The following SLC24A4 variants were observed in gnomAD, a reference collection of about 807,000 sequenced individuals.
SLC24A4 encodes the protein sodium/potassium/calcium exchanger 4.
A neutral mutation model predicts 79.0 loss-of-function variants in SLC24A4; 53 were observed. The ratio of observed to expected loss-of-function variants is 0.67; its 90% CI spans 0.54 to 0.84. The LOEUF (loss-of-function observed/expected upper bound fraction) is 0.84, where lower values mean the gene tolerates loss of function less well. Ranked by LOEUF, SLC24A4 falls within the 40% of genes least tolerant of loss-of-function variation. The pLI, the probability that SLC24A4 is intolerant of heterozygous loss-of-function variation, is 0.00. For missense variants in SLC24A4, 731 were observed against 822.0 expected (o/e 0.89, Z 1.35); for synonymous variants, 323 against 323.8 (o/e 1.00, Z 0.03).
In SLC24A4 at chr14:92,480,286, C is replaced by CTTTTTTTTTTTTTT. The variant is rs66533065; in HGVS notation, c.1256-2389_1256-2376dup. On this transcript the variant is annotated intron_variant, in intron 12 of 16. Coordinates refer to ENST00000532405, the MANE Select transcript of SLC24A4 (RefSeq NM_153646.4). Reference sequence around the variant, plus strand: ...TTGGACATTGATTTGAGATCTTTCCCTTTTTTTTTTTTTTTTTTGAGATGG... The same window carrying CTTTTTTTTTTTTTT: ...TTGGACATTGATTTGAGATCTTTCCCTTTTTTTTTTTTTTTTTTTTTTTTTTTTTTTTGAGATGG... 6.2e-4 allele frequency among the ~76,000 whole-genome samples: 39 copies of CTTTTTTTTTTTTTT among 63,110 alleles called. 4 individuals carry two copies. Among genetic ancestry groups the CTTTTTTTTTTTTTT allele is most frequent in the Admixed American group, 1.2e-3 (4 of 3,458 alleles). 41.4% of individuals were successfully genotyped at this position (63,110 alleles called of 152,430 possible).
At chr14:92,330,357 A>C (rs1408900563) in intron 2 of SLC24A4, among the ~76,000 whole-genome samples, 5 of 152,252 alleles carry the variant, frequency 3.3e-5, no homozygotes, top group African/African-American at 4.8e-5. Flanking sequence ...CTTTAAAAAA[A>C]TCTGCTTTAT....
chr14:92,404,279 T>TATA (rs1890260258), intron 2 of SLC24A4, among the ~76,000 whole-genome samples: 5 of 152,194 alleles, frequency 3.3e-5, no homozygotes, highest in African/African-American at 1.2e-4. Flanking sequence ...TATAGCCTCT[T>TATA]CTTATGACAG....
chr14:92,443,810 G>A (rs943580820), intron 7 of SLC24A4, among the ~76,000 whole-genome samples: 1 of 152,212 alleles, frequency 6.6e-6, no homozygotes, highest in Admixed American at 6.5e-5. Flanking sequence ...CTTAGCCAGG[G>A]TAGAATCATC....
intron 2 of SLC24A4, among the ~76,000 whole-genome samples, chr14:92,382,170 C>T (rs981976818): frequency 2.6e-5 from 4 of 151,832 alleles, no homozygotes; most frequent in Non-Finnish European, 4.4e-5. Context: ...ACATATATAT[C>T]AATACATATA....
chr14:92,435,607 TG>T (rs1892119975), intron 3 of SLC24A4, among the ~76,000 whole-genome samples: 1 of 152,178 alleles, frequency 6.6e-6, no homozygotes, highest in South Asian at 2.1e-4. Flanking sequence ...ACCATCTGCT[TG>T]TATATTTAAG....
At chr14:92,481,095 G>A (rs945984243) in intron 12 of SLC24A4, among the ~76,000 whole-genome samples, 3 of 152,216 alleles carry the variant, frequency 2.0e-5, no homozygotes, top group African/African-American at 7.2e-5. Context: ...CAGGCGGGTA[G>A]TTCACAACTC....
Position 92,333,361 on chromosome 14 carries a change from C to T in SLC24A4, c.241+7383C>T, listed in dbSNP as rs540106220. On this transcript the variant is annotated intron_variant, in intron 2 of 16. Coordinates refer to ENST00000532405, the MANE Select transcript of SLC24A4 (RefSeq NM_153646.4). ...CCACCTGCCTCTGCCTCCCAAAGTGCTGGGATTACAGGCATGAGCCACTGT... is the reference window on the plus strand; with the variant it reads ...CCACCTGCCTCTGCCTCCCAAAGTGTTGGGATTACAGGCATGAGCCACTGT... Among the ~76,000 whole-genome samples the T allele has an allele frequency of 5.5e-4, 84 of 152,342 alleles. 2 individuals carry two copies. Among genetic ancestry groups the T allele is most frequent in the Admixed American group, 6.5e-4 (10 of 15,310 alleles).
At chr14:92,418,391 C>T (rs1797934634) in intron 2 of SLC24A4, among the ~76,000 whole-genome samples, 1 of 152,212 alleles carries the variant, frequency 6.6e-6, no homozygotes. Flanking sequence ...CCCATCCCAA[C>T]CCCAATTCAC....
In SLC24A4 at chr14:92,456,557, C is replaced by T; in HGVS notation, c.1204C>T (p.Pro402Ser). ...GCAGCCGCCGCCACAGCCACCACCGCCAGAGCCAGAGCCGGTGGAGGCTGA... is the reference window on the plus strand; with the variant it reads ...GCAGCCGCCGCCACAGCCACCACCGTCAGAGCCAGAGCCGGTGGAGGCTGA... ...EQQPPPQPPPPEPEPVEADFL... is the reference protein window; with the variant it reads ...EQQPPPQPPPSEPEPVEADFL... Residue 402 changes from proline to serine, a missense_variant, in exon 12 of 17, where the codon CCA (proline) becomes TCA (serine). Transcript: ENST00000532405. The T allele has an allele frequency of 6.2e-7, 1 of 1,613,972 alleles. No individual in the cohort carries two copies. The highest frequency in any genetic ancestry group is 8.5e-7 in the Non-Finnish European group (1 of 1,179,934).
intron 10 of SLC24A4, chr14:92,451,250 C>T (rs144615634): frequency 4.8e-4 from 73 of 152,400 alleles, no homozygotes; most frequent in African/African-American, 1.4e-3. Flanking sequence ...GAGAGGCAGA[C>T]GTGGGGATTT....
chr14:92,475,586 C>T (rs1325896194), intron 12 of SLC24A4, among the ~76,000 whole-genome samples: 1 of 152,140 alleles, frequency 6.6e-6, no homozygotes, highest in African/African-American at 2.4e-5. Flanking sequence ...AGAGTCAGAA[C>T]ACTGGGGAGG....
chr14:92,435,770 G>C (rs747205856), intron 3 of SLC24A4, among the ~76,000 whole-genome samples: 1 of 152,218 alleles, frequency 6.6e-6, no homozygotes, highest in Non-Finnish European at 1.5e-5. Flanking sequence ...AATGAGGGTT[G>C]TTGGCACATT....
At chr14:92,466,807 C>T (rs1894153400) in intron 12 of SLC24A4, among the ~76,000 whole-genome samples, 1 of 152,204 alleles carries the variant, frequency 6.6e-6, no homozygotes, top group Admixed American at 6.5e-5. Flanking sequence ...GATTTAGACT[C>T]TGAAGACCTG....
Position 92,484,052 on chromosome 14 carries a change from C to A in SLC24A4, c.1422+1206C>A, listed in dbSNP as rs1895222859. On this transcript the variant is annotated intron_variant, in intron 13 of 16. Coordinates refer to ENST00000532405, the MANE Select transcript of SLC24A4 (RefSeq NM_153646.4). Reference sequence around the variant, plus strand: ...AAACCACAGAAGCTGGTGACTCCCTCTATGAAGTGGGGGTGATCATCACTC... The same window carrying A: ...AAACCACAGAAGCTGGTGACTCCCTATATGAAGTGGGGGTGATCATCACTC... The A allele has an allele frequency of 4.1e-6, 4 of 985,252 alleles. No homozygotes were observed. The South Asian group carries it at 1.4e-4, about 35-fold the overall frequency. 61.0% of individuals were successfully genotyped at this position (985,252 alleles called of 1,614,324 possible). A position where few individuals can be genotyped will look rare whatever the true frequency, so the allele number is the denominator to read the frequency against.
At chr14:92,386,522 C>T (rs1218359976) in intron 2 of SLC24A4, among the ~76,000 whole-genome samples, 1 of 152,168 alleles carries the variant, frequency 6.6e-6, no homozygotes, top group African/African-American at 2.4e-5. Context: ...CTCCTTTCTT[C>T]TGGGTGATGG....
At chr14:92,361,283 A>ATT (rs11337954) in intron 2 of SLC24A4, among the ~76,000 whole-genome samples, 16 of 138,722 alleles carry the variant, frequency 1.2e-4, no homozygotes, top group Admixed American at 4.4e-4. Context: ...GCTAACAACT[A>ATT]TTTTTTTTTT....
intron 2 of SLC24A4, among the ~76,000 whole-genome samples, chr14:92,371,494 C>T (rs1888149302): frequency 6.6e-6 from 1 of 152,168 alleles, no homozygotes; most frequent in African/African-American, 2.4e-5. Flanking sequence ...GTATAGATGG[C>T]CAGAGATTCC....
chr14:92,388,163 C>G (rs764348147), intron 2 of SLC24A4, among the ~76,000 whole-genome samples: 8 of 152,176 alleles, frequency 5.3e-5, no homozygotes, highest in Non-Finnish European at 1.0e-4. Context: ...CCTTTATTGT[C>G]TGAACCTGGG....
At chr14:92,475,923 CAT>C (rs936036977) in intron 12 of SLC24A4, among the ~76,000 whole-genome samples, 7 of 152,140 alleles carry the variant, frequency 4.6e-5, no homozygotes, top group African/African-American at 1.4e-4. Flanking sequence ...AGTTGAAAAA[CAT>C]AGCAATGGAA....
Sources: allele counts gnomAD v4.1 joint callset (sites outside exome capture counted in the v4.1 genomes callset), GRCh38; gene constraint gnomAD v4.1.1; transcripts MANE v1.5; gene names NCBI Gene and HGNC (gene_info 2026-07-23, HGNC 2026-07-21).